Variants in BPHL observed in about 807,000 individuals in gnomAD.
The protein encoded by BPHL is serine hydrolase BPHL.
BPHL carries 27 observed loss-of-function variants against 31.2 expected under a neutral mutation model. The ratio of observed to expected loss-of-function variants is 0.87; its 90% CI spans 0.64 to 1.19. BPHL has a LOEUF of 1.19. Among genes scored for constraint, BPHL ranks in the 50% most tolerant of loss-of-function variants. The pLI is 0.00. For missense variants in BPHL, 356 were observed against 375.7 expected, an observed-to-expected ratio of 0.95 and a Z score of 0.43; for synonymous variants, 150 against 146.8, an observed-to-expected ratio of 1.02 and a Z score of -0.16.
At position 3,118,826 on chromosome 6, in the gene BPHL, C is replaced by T. The variant is rs1003644761; in HGVS notation, c.86C>T (p.Ala29Val). 2.9e-5 allele frequency: 36 copies of T among 1,243,022 alleles called. No individual in the cohort carries two copies. Among genetic ancestry groups the T allele is most frequent in the Non-Finnish European group, 3.5e-5 (35 of 991,690 alleles). The allele number at this position is 1,243,022 out of a possible 1,614,324, so 77.0% of individuals were successfully genotyped here. ...ALKPGIHVPR[A>V]GPAAAFGTSV... ...AAGCCCGGGATCCACGTCCCACGGG[C>T]CGGACCCGCGGCCGCGTTCGGGTAA... Residue 29 changes from alanine to valine, a missense_variant, in exon 1 of 7, where the codon GCC becomes GTC. Physicochemically the swap from Ala to Val is moderately conservative, Grantham distance 64 (BLOSUM62 0). Transcript: ENST00000380379.
At chr6:3,136,274 C>A (rs1230077761) in intron 4 of BPHL, among the ~76,000 whole-genome samples, 4 of 152,310 alleles carry the variant, frequency 2.6e-5, no homozygotes, top group African/African-American at 9.6e-5. Flanking sequence ...CCCTCCGCCC[C>A]CAAATGTTTT....
intron 4 of BPHL, 23 bp downstream of exon 4, chr6:3,129,221 G>C (rs978790014): frequency 2.0e-6 from 3 of 1,529,242 alleles, no homozygotes; most frequent in Non-Finnish European, 2.6e-6. Context: ...AAGGGGAGAT[G>C]CCGGGACGGC....
rs1011315614 is a variant in BPHL, at chr6:3,129,334, C to T, written c.532+136C>T. ...CTCAACTCTCAGGTAGGAAGAATAA[C>T]GAGTTCTCAGAAAAGTAATGCAGTT... On this transcript the variant is annotated intron_variant, in intron 4 of 6. Coordinates refer to ENST00000380379, the MANE Select transcript of BPHL (RefSeq NM_004332.4). The T allele has an allele frequency of 2.7e-5, 33 of 1,209,828 alleles. No individual in the cohort carries two copies. In the African/African-American group the frequency reaches 4.4e-4, roughly 16 times the overall value. 74.9% of individuals were successfully genotyped at this position (1,209,828 alleles called of 1,614,324 possible).
At chr6:3,148,764 C>T (rs1010234392) in intron 6 of BPHL, among the ~76,000 whole-genome samples, 2 of 152,208 alleles carry the variant, frequency 1.3e-5, no homozygotes, top group Non-Finnish European at 2.9e-5. Flanking sequence ...CAAGTTGAGT[C>T]TTTTGTATTA....
intron 5 of BPHL, among the ~76,000 whole-genome samples, chr6:3,137,767 TG>T (rs1431925912): frequency 2.0e-5 from 3 of 152,228 alleles, no homozygotes; most frequent in African/African-American, 7.2e-5. Context: ...CCTTGGTGTG[TG>T]TGCGATGACA....
chr6:3,143,383 G>A (rs1762231224), intron 6 of BPHL, among the ~76,000 whole-genome samples: 1 of 152,180 alleles, frequency 6.6e-6, no homozygotes, highest in African/African-American at 2.4e-5. Flanking sequence ...TCTGCTTCCA[G>A]CTTATGTTAA....
chr6:3,127,021 T>A, intron 2 of BPHL: 2 of 286,780 alleles, frequency 7.0e-6, no homozygotes, highest in Admixed American at 5.4e-5. Context: ...TCCGCCCGCC[T>A]CGGCCTCCCA....
intron 1 of BPHL, chr6:3,119,560 G>T: frequency 6.2e-7 from 1 of 1,609,424 alleles, no homozygotes; most frequent in Non-Finnish European, 8.5e-7. Context: ...CTTCTGTCTT[G>T]AAAATGGATA....
rs774451877 is a variant in BPHL, at chr6:3,140,438, G to T, written c.717G>T (p.Val239=). 6.8e-6 allele frequency: 11 copies of T among 1,614,138 alleles called. No individual in the cohort carries two copies. Among genetic ancestry groups the T allele is most frequent in the Non-Finnish European group, 9.3e-6 (11 of 1,180,030 alleles). The change falls in exon 6 of 7, where the codon GTG becomes GTT. Residue 239 remains valine, a synonymous_variant. Coordinates refer to ENST00000380379, the MANE Select transcript of BPHL (RefSeq NM_004332.4). This position sits in a 1 kb window ranked among gnomAD's most constrained non-coding sequence, Gnocchi z 5.2. ...LPRVQCPALI[V]HGEKDPLVPR... ...GGGTCCAGTGCCCCGCCTTGATTGT[G>T]CACGGTGAGAAGGATCCTCTGGTCC...
chr6:3,129,076 G>C lies in BPHL; in HGVS notation c.410G>C (p.Gly137Ala), dbSNP rs1290629857. 1 of 1,614,116 alleles carries C rather than the reference G, an allele frequency of 6.2e-7. No homozygotes were observed. Among genetic ancestry groups the C allele is most frequent in the Non-Finnish European group, 8.5e-7 (1 of 1,180,058 alleles). The change falls in exon 4 of 7, where the codon GGG becomes GCG. Residue 137 changes from glycine (G) to alanine (A), a missense_variant. Physicochemically the swap from Gly to Ala is moderately conservative, Grantham distance 60. Coordinates refer to ENST00000380379, the MANE Select transcript of BPHL (RefSeq NM_004332.4). Reference sequence around the variant, plus strand: ...AAGTTTAAGAAGGTTTCTCTGCTGGGGTGGAGTGATGGGGGCATAACCGCA... The same window carrying C: ...AAGTTTAAGAAGGTTTCTCTGCTGGCGTGGAGTGATGGGGGCATAACCGCA... ...ALKFKKVSLL[G>A]WSDGGITALI...
In BPHL at chr6:3,140,343, A is replaced by G. The variant is rs766473856; in HGVS notation, c.665-43A>G. ...GTTTCGCCTCCTCTGACCGCGTAGA[A>G]TGGTTGCACTAAAGCAGATTCCTCG... is the stretch of plus-strand genomic sequence containing the variant. On this transcript the variant is annotated intron_variant, in intron 5 of 6. Transcript: ENST00000380379. This position sits in a 1 kb window ranked among gnomAD's most constrained non-coding sequence, Gnocchi z 5.2. 1.5e-5 allele frequency: 24 copies of G among 1,611,548 alleles called. No homozygotes were observed. The highest frequency in any genetic ancestry group is 1.7e-4 in the Middle Eastern group (1 of 5,852).
chr6:3,127,103 A>G (rs763794271), intron 2 of BPHL, 139 bp from the exon 3 acceptor site: 13 of 535,918 alleles, frequency 2.4e-5, no homozygotes, highest in Non-Finnish European at 4.1e-5. Flanking sequence ...AGTCATTGCA[A>G]GGCTGCTTTC....
Position 3,129,059 on chromosome 6 carries a change from GA to G in BPHL, c.395del (p.Lys132ArgfsTer12). The G allele has an allele frequency of 1.2e-6, 2 of 1,614,054 alleles. No individual in the cohort carries two copies. The highest frequency in any genetic ancestry group is 2.2e-5 in the South Asian group (2 of 91,088). On this transcript the variant is annotated frameshift_variant, in exon 4 of 7. Transcript: ENST00000380379. LOFTEE classifies it high-confidence loss of function. ...TATGATCATAGGCGCTGAAGTTTAA[GA>G]AGGTTTCTCTGCTGGGGTGGAGTGA... The part of the protein sequence containing the change: ...VDLMKALKFK[K>X]VSLLGWSDGG...
rs186267805 is a variant in BPHL at position 3,151,854 on chromosome 6, C to T, written c.789-634C>T. Among the ~76,000 whole-genome samples, 195 of 152,312 alleles carry T rather than the reference C, an allele frequency of 1.3e-3. 1 individual carries two copies. Among genetic ancestry groups the T allele is most frequent in the African/African-American group, 4.4e-3 (184 of 41,566 alleles). Reference sequence around the variant, plus strand: ...CAGTGTGTTTGCTACAATGCTGAGCCGTGACAGCTGCAGCAGCGGCTCCTG... The same window carrying T: ...CAGTGTGTTTGCTACAATGCTGAGCTGTGACAGCTGCAGCAGCGGCTCCTG... On this transcript the variant is annotated intron_variant, in intron 6 of 6. Transcript: ENST00000380379.
rs1761600240 is a variant in BPHL, at chr6:3,122,345, C to T, written c.108-1312C>T. On this transcript the variant is annotated intron_variant, in intron 1 of 6. Coordinates refer to ENST00000380379, the MANE Select transcript of BPHL (RefSeq NM_004332.4). Reference sequence around the variant, plus strand: ...GGTTGATTTCATTGTATTGGCACTCCACCAGGAGAAGAGAGCGCCTCCTTC... The same window carrying T: ...GGTTGATTTCATTGTATTGGCACTCTACCAGGAGAAGAGAGCGCCTCCTTC... Among the ~76,000 whole-genome samples the T allele has an allele frequency of 2.0e-5, 3 of 152,136 alleles. No homozygotes were observed. The South Asian group carries it at 6.2e-4, about 31-fold the overall frequency.
intron 1 of BPHL, among the ~76,000 whole-genome samples, chr6:3,122,290 TAAATAA>T (rs919442007): frequency 1.2e-4 from 19 of 152,066 alleles, no homozygotes; most frequent in African/African-American, 3.4e-4. Flanking sequence ...AAAAAATAAA[TAAATAA>T]AAATAAAAAT....
At position 3,144,923 on chromosome 6, in the gene BPHL, G is replaced by A. The variant is rs147593731; in HGVS notation, c.788+4414G>A. ...GAGCCCAGGCCTGAGGGCCAGACCC[G>A]GTGGGAAAGTCCATGTGGCACAGAG... On this transcript the variant is annotated intron_variant, in intron 6 of 6. Coordinates refer to ENST00000380379, the MANE Select transcript of BPHL (RefSeq NM_004332.4). Among the ~76,000 whole-genome samples the A allele has an allele frequency of 7.2e-5, 11 of 152,346 alleles. No homozygotes were observed. In the East Asian group the frequency reaches 1.3e-3, roughly 19 times the overall value.
chr6:3,144,400 T>G (rs1265016244), intron 6 of BPHL, among the ~76,000 whole-genome samples: 11 of 142,550 alleles, frequency 7.7e-5, no homozygotes, highest in African/African-American at 2.6e-4. Context: ...TGTTTTTTTT[T>G]TTAAGAGACA....
intron 4 of BPHL, among the ~76,000 whole-genome samples, chr6:3,131,823 C>G (rs1416971713): frequency 1.3e-5 from 2 of 152,224 alleles, no homozygotes; most frequent in Non-Finnish European, 2.9e-5. Flanking sequence ...GCCACATCCT[C>G]TGCCAGGGCA....
Sources: gnomAD v4.1 joint callset for allele counts (sites outside exome capture counted in the v4.1 genomes callset) on GRCh38, gnomAD v4.1.1 for gene constraint, Gnocchi (gnomAD v3.1) non-coding constraint, MANE v1.5 for transcripts, NCBI Gene and HGNC (gene_info 2026-07-23, HGNC 2026-07-21) for gene names.